FGF12: variants seen among roughly 807,000 people sequenced by gnomAD.
FGF12 encodes fibroblast growth factor 12B.
In FGF12, 14 loss-of-function variants were observed where a neutral mutation model predicts 23.6. The ratio of observed to expected loss-of-function variants is 0.59; its 90% confidence interval spans 0.39 to 0.93. The LOEUF is 0.93. Ranked by LOEUF, FGF12 falls within the 40% of genes least tolerant of loss-of-function variation. FGF12 has a pLI of 0.00. For synonymous variants in FGF12, 62 were observed against 77.3 expected (o/e 0.80, Z 1.04); for missense variants, 175 against 217.8 (o/e 0.80, Z 1.24).
chr3:192,634,065 T>A (rs1252881414), intron 2 of FGF12, among the ~76,000 whole-genome samples: 1 of 152,244 alleles, frequency 6.6e-6, no homozygotes, highest in African/African-American at 2.4e-5. Flanking sequence ...ACCATAGCAC[T>A]ACCTCTTTGC....
chr3:192,657,796 G>A (rs938818589), intron 2 of FGF12, among the ~76,000 whole-genome samples: 2 of 152,100 alleles, frequency 1.3e-5, no homozygotes, highest in Admixed American at 1.3e-4. Context: ...ATATTTCCTA[G>A]ACATTTCCAA....
At chr3:192,446,361 A>ATATC (rs1265246148) in intron 2 of FGF12, among the ~76,000 whole-genome samples, 19 of 152,252 alleles carry the variant, frequency 1.2e-4, no homozygotes, top group Non-Finnish European at 2.6e-4. Context: ...GAACATAACA[A>ATATC]TAGATGCAGG....
At chr3:192,258,820 C>T (rs1712570430) in intron 4 of FGF12, among the ~76,000 whole-genome samples, 1 of 152,064 alleles carries the variant, frequency 6.6e-6, no homozygotes, top group South Asian at 2.1e-4. Context: ...TTGTGAAAAT[C>T]GTGTTTCTAT....
Position 192,363,495 on chromosome 3 carries a change from C to T in FGF12, c.14-2957G>A, listed in dbSNP as rs533117911. On this transcript the variant is annotated intron_variant, in intron 2 of 5. Coordinates refer to ENST00000445105, the MANE Select transcript of FGF12 (RefSeq NM_004113.6). ...AGTGCCAGAACAGGCCCAGAGTCTG[C>T]GTTTTAATCATGTTGTGATATGTGA... Among the ~76,000 whole-genome samples, 28 of 152,148 alleles carry T rather than the reference C, an allele frequency of 1.8e-4. 1 individual carries two copies. In the South Asian group the frequency reaches 5.6e-3, roughly 30 times the overall value.
chr3:192,451,535 T>C (rs1037005554), intron 2 of FGF12, among the ~76,000 whole-genome samples: 20 of 152,182 alleles, frequency 1.3e-4, no homozygotes, highest in Non-Finnish European at 1.0e-4. Flanking sequence ...AAAGATAAGT[T>C]TGTGATGATT....
chr3:192,283,625 C>T (rs1714280191), intron 4 of FGF12, among the ~76,000 whole-genome samples: 1 of 151,984 alleles, frequency 6.6e-6, no homozygotes, highest in African/African-American at 2.4e-5. Flanking sequence ...ATTGTCACCC[C>T]TTTATTTGCC....
chr3:192,551,266 A>G (rs1711521706), intron 2 of FGF12, among the ~76,000 whole-genome samples: 1 of 152,236 alleles, frequency 6.6e-6, no homozygotes, highest in Non-Finnish European at 1.5e-5. Context: ...TGACAATTTT[A>G]CTGAGAGGAG....
At chr3:192,270,641 C>G (rs1012334678) in intron 4 of FGF12, among the ~76,000 whole-genome samples, 7 of 152,020 alleles carry the variant, frequency 4.6e-5, no homozygotes, top group South Asian at 2.1e-4. Context: ...ACTATTTCAG[C>G]AAAGGTAAAC....
At chr3:192,243,670 G>T (rs528157799) in intron 4 of FGF12, among the ~76,000 whole-genome samples, 1 of 151,914 alleles carries the variant, frequency 6.6e-6, no homozygotes, top group South Asian at 2.1e-4. Flanking sequence ...CTCAGTAGGA[G>T]ATTTTAAAAT....
intron 5 of FGF12, among the ~76,000 whole-genome samples, chr3:192,167,246 A>C (rs1032717583): frequency 6.6e-6 from 1 of 151,690 alleles, no homozygotes; most frequent in Non-Finnish European, 1.5e-5. Flanking sequence ...GGCCAGTGCG[A>C]TAAGTAGCAT....
intron 2 of FGF12, among the ~76,000 whole-genome samples, chr3:192,629,094 C>T (rs1452934580): frequency 6.6e-6 from 1 of 152,164 alleles, no homozygotes; most frequent in Admixed American, 6.5e-5. Flanking sequence ...AACAGACTAT[C>T]ATGACTGACT....
At chr3:192,524,610 T>G (rs1724898596) in intron 2 of FGF12, among the ~76,000 whole-genome samples, 1 of 152,232 alleles carries the variant, frequency 6.6e-6, no homozygotes, top group Admixed American at 6.5e-5. Context: ...GTGATTGTTA[T>G]GCTCACAAAT....
At chr3:192,361,971 A>G (rs975057268) in intron 2 of FGF12, among the ~76,000 whole-genome samples, 1 of 152,230 alleles carries the variant, frequency 6.6e-6, no homozygotes, top group African/African-American at 2.4e-5. Flanking sequence ...TATTATCTTT[A>G]TGAGTTAAAT....
At chr3:192,352,263 T>C (rs531014768) in intron 3 of FGF12, among the ~76,000 whole-genome samples, 78 of 152,298 alleles carry the variant, frequency 5.1e-4, no homozygotes, top group Non-Finnish European at 9.9e-4. Flanking sequence ...GAACAGAGAT[T>C]GCTTTCATTA....
chr3:192,188,501 T>C (rs1170785190), intron 4 of FGF12, among the ~76,000 whole-genome samples: 8 of 152,196 alleles, frequency 5.3e-5, no homozygotes, highest in Non-Finnish European at 1.2e-4. Context: ...ATGATTCTTA[T>C]ATCTATTTCA....
intron 4 of FGF12, among the ~76,000 whole-genome samples, chr3:192,316,240 T>C (rs986056931): frequency 1.3e-5 from 2 of 152,114 alleles, no homozygotes; most frequent in Non-Finnish European, 2.9e-5. Flanking sequence ...GTCCTCCCTC[T>C]GCTAAAACGC....
chr3:192,577,880 G>C (rs979828380), intron 2 of FGF12, among the ~76,000 whole-genome samples: 3 of 152,026 alleles, frequency 2.0e-5, no homozygotes, highest in African/African-American at 7.2e-5. Context: ...TGAAGTGTTA[G>C]ATAAAGCCCT....
At chr3:192,645,948 T>C (rs745633523) in intron 2 of FGF12, among the ~76,000 whole-genome samples, 2 of 151,772 alleles carry the variant, frequency 1.3e-5, no homozygotes, top group Non-Finnish European at 2.9e-5. Flanking sequence ...CTAGACTGAG[T>C]TGGGGAGTAG....
chr3:192,143,764 TC>T lies in FGF12; in HGVS notation c.*244del, dbSNP rs1713538486. 1 of 400,064 alleles carries T rather than the reference TC, an allele frequency of 2.5e-6. No individual in the cohort carries two copies. The highest frequency in any genetic ancestry group is 4.4e-6 in the Non-Finnish European group (1 of 225,026). 24.8% of individuals were successfully genotyped at this position (400,064 alleles called of 1,614,324 possible). A position where few individuals can be genotyped will look rare whatever the true frequency, so the allele number is the denominator to read the frequency against. On this transcript the variant is annotated 3_prime_UTR_variant, in exon 6 of 6. Coordinates refer to ENST00000445105, the MANE Select transcript of FGF12 (RefSeq NM_004113.6). ...ATTTATGGAGTTCTGATTTATTTTT[TC>T]CTTTGCTTTTAAGTGTGCTAATCTT... is the stretch of plus-strand genomic sequence containing the variant.
Sources: gnomAD v4.1 joint callset for allele counts (sites outside exome capture counted in the v4.1 genomes callset) on GRCh38, gnomAD v4.1.1 for gene constraint, MANE v1.5 for transcripts, NCBI Gene and HGNC (gene_info 2026-07-23, HGNC 2026-07-21) for gene names.